GRM5: variants seen among roughly 807,000 people sequenced by gnomAD.
The protein encoded by GRM5 is glutamate metabotropic receptor 5.
GRM5 carries 19 observed loss-of-function variants against 83.1 expected under a neutral mutation model. That is an observed-to-expected ratio of 0.23 (90% CI 0.16 to 0.34). GRM5 has a LOEUF of 0.34. Among genes scored for constraint, GRM5 ranks in the 10% least tolerant of loss-of-function variants. GRM5 has a pLI of 1.00. For missense variants in GRM5, 1,160 were observed against 1,588.3 expected, an observed-to-expected ratio of 0.73 and a Z score of 4.58; for synonymous variants, 675 against 633.6, an observed-to-expected ratio of 1.07 and a Z score of -0.98.
intron 2 of GRM5, among the ~76,000 whole-genome samples, chr11:88,972,677 T>C (rs1425038788): frequency 6.6e-6 from 1 of 152,124 alleles, no homozygotes; most frequent in Non-Finnish European, 1.5e-5. Context: ...GAATGCCAAA[T>C]CTGGTGTGTA....
At chr11:88,682,699 A>G (rs1940525390) in intron 3 of GRM5, among the ~76,000 whole-genome samples, 1 of 151,896 alleles carries the variant, frequency 6.6e-6, no homozygotes. Flanking sequence ...CTTTGTTTAT[A>G]TTTCTGTTAA....
intron 3 of GRM5, among the ~76,000 whole-genome samples, chr11:88,679,502 ATAGT>A (rs1449134645): frequency 6.6e-6 from 1 of 152,144 alleles, no homozygotes; most frequent in African/African-American, 2.4e-5. Context: ...CAGTATATAT[ATAGT>A]ATGTATATTC....
intron 2 of GRM5, among the ~76,000 whole-genome samples, chr11:88,963,817 T>C (rs1455381933): frequency 6.6e-6 from 1 of 152,212 alleles, no homozygotes; most frequent in African/African-American, 2.4e-5. Flanking sequence ...AGATATCACA[T>C]CTTGGAAAGC....
At chr11:88,890,606 G>A (rs908636479) in intron 2 of GRM5, among the ~76,000 whole-genome samples, 6 of 152,014 alleles carry the variant, frequency 3.9e-5, no homozygotes, top group African/African-American at 1.4e-4. Context: ...AAATGCAAGG[G>A]TCATCAAAAT....
intron 3 of GRM5, among the ~76,000 whole-genome samples, chr11:88,836,222 G>A (rs1279568205): frequency 1.1e-4 from 17 of 152,214 alleles, no homozygotes; most frequent in Admixed American, 1.1e-3. Context: ...TGGGACATAT[G>A]ACTTCTATTA....
Position 88,671,146 on chromosome 11 carries a change from A to G in GRM5, c.912-17743T>C, listed in dbSNP as rs558016698. ...CCATAAACCAAAAATAACATCTCCAACAACAAGAAACATTCCAAAATCCTC... is the reference window on the plus strand; with the variant it reads ...CCATAAACCAAAAATAACATCTCCAGCAACAAGAAACATTCCAAAATCCTC... On this transcript the variant is annotated intron_variant, in intron 3 of 9. Coordinates refer to ENST00000305447, the MANE Select transcript of GRM5 (RefSeq NM_001143831.3). 5.9e-5 allele frequency among the ~76,000 whole-genome samples: 9 copies of G among 151,766 alleles called. No individual in the cohort carries two copies. The Middle Eastern group carries it at 0.01, about 172-fold the overall frequency.
intron 5 of GRM5, among the ~76,000 whole-genome samples, chr11:88,603,415 G>C (rs1938054397): frequency 6.6e-6 from 1 of 152,228 alleles, no homozygotes; most frequent in African/African-American, 2.4e-5. Flanking sequence ...GCAGGTATCT[G>C]AGCCCAGGCC....
At chr11:89,043,507 T>C (rs2226564) in intron 2 of GRM5, among the ~76,000 whole-genome samples, 138,803 of 152,108 alleles carry the variant, frequency 0.91, 63,340 homozygotes, top group East Asian at 0.92. Context: ...TTAAATATTC[T>C]TTCTTGCCCA....
chr11:88,838,084 C>CAAAAAAAAAAAAAAAAAAA (rs1157680177), intron 3 of GRM5, among the ~76,000 whole-genome samples: 3 of 55,444 alleles, frequency 5.4e-5, no homozygotes, highest in East Asian at 6.6e-4. Flanking sequence ...GACTCCATCT[C>CAAAAAAAAAAAAAAAAAAA]AAAAAAAAAA....
intron 8 of GRM5, among the ~76,000 whole-genome samples, chr11:88,530,165 T>C (rs1242979904): frequency 6.6e-6 from 1 of 152,026 alleles, no homozygotes; most frequent in Non-Finnish European, 1.5e-5. Flanking sequence ...CCAAAAACTT[T>C]TATAACACTG....
intron 5 of GRM5, among the ~76,000 whole-genome samples, chr11:88,600,660 C>T (rs190078225): frequency 1.8e-4 from 28 of 152,164 alleles, no homozygotes; most frequent in African/African-American, 6.5e-4. Flanking sequence ...AAATAAGGAA[C>T]TTTCTAAATG....
chr11:88,631,869 C>T (rs916201670), intron 4 of GRM5, among the ~76,000 whole-genome samples: 3 of 152,000 alleles, frequency 2.0e-5, no homozygotes, highest in African/African-American at 7.2e-5. Flanking sequence ...TGGTTATTTG[C>T]TAGAATTCTT....
chr11:88,840,859 T>C lies in GRM5; in HGVS notation c.911+9047A>G, dbSNP rs140080038. 1.8e-4 allele frequency among the ~76,000 whole-genome samples: 28 copies of C among 152,302 alleles called. No homozygotes were observed. In the East Asian group the frequency reaches 5.2e-3, roughly 28 times the overall value. ...CTGGGCGGTAAGAGGCATTGCTCAA[T>C]AGCAAAGGAACTTTATAAGGTAGTC... On this transcript the variant is annotated intron_variant, in intron 3 of 9. Coordinates refer to ENST00000305447, the MANE Select transcript of GRM5 (RefSeq NM_001143831.3).
intron 7 of GRM5, among the ~76,000 whole-genome samples, chr11:88,573,737 G>A (rs76908286): frequency 0.013 from 1,958 of 152,302 alleles, 46 homozygotes; most frequent in African/African-American, 0.045. Context: ...AGCACAAGGT[G>A]TTGACTGGTG....
chr11:88,804,655 G>A (rs1221971564), intron 3 of GRM5, among the ~76,000 whole-genome samples: 2 of 151,926 alleles, frequency 1.3e-5, no homozygotes, highest in Admixed American at 6.6e-5. Flanking sequence ...CCTGCACATT[G>A]TGCACATGTA....
intron 3 of GRM5, among the ~76,000 whole-genome samples, chr11:88,819,432 T>C (rs944707806): frequency 6.6e-6 from 1 of 152,240 alleles, no homozygotes; most frequent in Non-Finnish European, 1.5e-5. Context: ...AACATGTAGC[T>C]ATTAATTCAT....
rs537864846 is a variant in GRM5, at chr11:88,737,575, G to A, written c.912-84172C>T. On this transcript the variant is annotated intron_variant, in intron 3 of 9. Coordinates refer to ENST00000305447, the MANE Select transcript of GRM5 (RefSeq NM_001143831.3). ...AATTACTGATTTTTTTGAAGCCCAAGTATAGTGATCTGTCCTCTGTACTGA... is the reference window on the plus strand; with the variant it reads ...AATTACTGATTTTTTTGAAGCCCAAATATAGTGATCTGTCCTCTGTACTGA... Among the ~76,000 whole-genome samples the A allele has an allele frequency of 2.0e-3, 310 of 152,154 alleles. 3 individuals carry two copies. Among genetic ancestry groups the A allele is most frequent in the Non-Finnish European group, 2.4e-3 (162 of 67,958 alleles).
chr11:88,819,656 A>G (rs1039716610), intron 3 of GRM5, among the ~76,000 whole-genome samples: 5 of 152,350 alleles, frequency 3.3e-5, no homozygotes, highest in African/African-American at 1.2e-4. Flanking sequence ...TTTGTGGGTT[A>G]CTGTGGCTCA....
intron 1 of GRM5, among the ~76,000 whole-genome samples, chr11:89,061,191 C>A (rs547779897): frequency 3.3e-5 from 5 of 152,024 alleles, no homozygotes; most frequent in Non-Finnish European, 7.4e-5. Context: ...CTCACATGTA[C>A]GTATACATAA....
Sources: allele counts gnomAD v4.1 joint callset (sites outside exome capture counted in the v4.1 genomes callset), GRCh38; gene constraint gnomAD v4.1.1; transcripts MANE v1.5; gene names NCBI Gene and HGNC (gene_info 2026-07-23, HGNC 2026-07-21).